Variants in MSI2 observed in about 807,000 individuals in gnomAD.
The protein encoded by MSI2 is musashi RNA binding protein 2.
Under a neutral mutation model 45.6 loss-of-function variants are expected in MSI2, and 17 were observed. The observed-to-expected ratio is 0.37, with a 90% CI of 0.26 to 0.56. The LOEUF is 0.56. MSI2 is among the 20% of genes least tolerant of loss of function. The pLI is 0.77. For missense variants in MSI2, 293 were observed against 444.2 expected, an observed-to-expected ratio of 0.66 and a Z score of 3.06; for synonymous variants, 156 against 158.2, an observed-to-expected ratio of 0.99 and a Z score of 0.11.
chr17:57,590,459 G>A (rs1238653289), intron 7 of MSI2, among the ~76,000 whole-genome samples: 1 of 152,162 alleles, frequency 6.6e-6, no homozygotes, highest in Non-Finnish European at 1.5e-5. Flanking sequence ...TTATTCAGAT[G>A]AATATTTAGT....
At chr17:57,698,892 A>AGTGTGTGT in the MSI2 span, among the ~76,000 whole-genome samples, 259 of 118,710 alleles carry the variant, frequency 2.2e-3, 6 homozygotes, top group Non-Finnish European at 2.3e-3. Flanking sequence ...GATACAAGGA[A>AGTGTGTGT]GTGTGTGTGT....
chr17:57,689,428 A>T (rs1407182504), downstream of MSI2, among the ~76,000 whole-genome samples: 1 of 152,194 alleles, frequency 6.6e-6, no homozygotes, highest in Non-Finnish European at 1.5e-5. Context: ...GGACAGTGAT[A>T]TCCCTCTGGG....
chr17:57,540,113 A>G (rs2087010679), intron 7 of MSI2, among the ~76,000 whole-genome samples: 2 of 152,196 alleles, frequency 1.3e-5, no homozygotes, highest in African/African-American at 4.8e-5. Flanking sequence ...ACAAGTTACT[A>G]AATCTCTCTG....
intron 11 of MSI2, among the ~76,000 whole-genome samples, chr17:57,665,995 C>T (rs887403428): frequency 5.3e-5 from 8 of 152,074 alleles, no homozygotes; most frequent in African/African-American, 1.9e-4. Context: ...CTCAGGGAAC[C>T]CCCACCGTGA....
At chr17:57,509,514 G>A (rs374295235) in intron 6 of MSI2, among the ~76,000 whole-genome samples, 2 of 152,196 alleles carry the variant, frequency 1.3e-5, no homozygotes, top group South Asian at 2.1e-4. Context: ...TCCGCCTCCC[G>A]GGTTCAAGTG....
chr17:57,319,229 G>T (rs1357263155), intron 5 of MSI2, among the ~76,000 whole-genome samples: 1 of 152,252 alleles, frequency 6.6e-6, no homozygotes, highest in Non-Finnish European at 1.5e-5. Flanking sequence ...GACTGGGGAT[G>T]CTTGTTAGCA....
rs767917214 is a variant in MSI2, at chr17:57,675,046, G to T, written c.865G>T (p.Ala289Ser). The T allele has an allele frequency of 6.2e-7, 1 of 1,614,104 alleles. No homozygotes were observed. Among genetic ancestry groups the T allele is most frequent in the South Asian group, 1.1e-5 (1 of 91,074 alleles). The part of the protein sequence containing the change: ...PGPVADLYGP[A>S]SQDSGVGNYI... ...ACCTGTCGCCGATCTCTACGGCCCT[G>T]CCAGCCAGGACTCCGGAGTGGGGAA... Residue 289 changes from alanine (A) to serine (S), a missense_variant, in exon 12 of 14, where the codon GCC (alanine) becomes TCC (serine). Transcript: ENST00000284073.
At chr17:57,602,167 A>G (rs75352408) in intron 8 of MSI2, among the ~76,000 whole-genome samples, 2,503 of 152,282 alleles carry the variant, frequency 0.016, 59 homozygotes, top group African/African-American at 0.057. Flanking sequence ...ATGTAGCCCA[A>G]TGCAAATTCA....
chr17:57,458,035 A>G (rs1175045847), intron 6 of MSI2, among the ~76,000 whole-genome samples: 1 of 152,074 alleles, frequency 6.6e-6, no homozygotes, highest in Non-Finnish European at 1.5e-5. Flanking sequence ...TAGATATCAG[A>G]TACCATATTG....
At chr17:57,438,211 G>GT (rs2084726822) in intron 6 of MSI2, among the ~76,000 whole-genome samples, 1 of 152,136 alleles carries the variant, frequency 6.6e-6, no homozygotes, top group Non-Finnish European at 1.5e-5. Context: ...TAGGGTGTGC[G>GT]GAAGGCAGGA....
chr17:57,491,633 A>G (rs2085873739), intron 6 of MSI2, among the ~76,000 whole-genome samples: 1 of 152,218 alleles, frequency 6.6e-6, no homozygotes, highest in Admixed American at 6.5e-5. Context: ...GCCTGAGTCC[A>G]TCAGAGAAAA....
intron 5 of MSI2, among the ~76,000 whole-genome samples, chr17:57,292,160 TG>T (rs568930884): frequency 1.6e-3 from 244 of 149,868 alleles, no homozygotes; most frequent in African/African-American, 5.8e-3. Flanking sequence ...GACAGCTGCC[TG>T]GGGGAAGGGG....
intron 7 of MSI2, among the ~76,000 whole-genome samples, chr17:57,594,283 A>G (rs940724584): frequency 9.9e-5 from 15 of 151,968 alleles, no homozygotes; most frequent in African/African-American, 2.9e-4. Context: ...AATCCATTCT[A>G]CTGGGGCCAG....
At chr17:57,575,072 C>T (rs896953133) in intron 7 of MSI2, among the ~76,000 whole-genome samples, 16 of 152,050 alleles carry the variant, frequency 1.1e-4, no homozygotes, top group Admixed American at 4.6e-4. Context: ...CCTCGTGATC[C>T]GCCCACCTTG....
At chr17:57,293,854 C>T (rs1449848226) in intron 5 of MSI2, among the ~76,000 whole-genome samples, 2 of 151,124 alleles carry the variant, frequency 1.3e-5, no homozygotes, top group East Asian at 1.9e-4. Context: ...GTGATCTGCC[C>T]GCCTCAGCCT....
chr17:57,322,519 A>G (rs1913431567), intron 5 of MSI2, among the ~76,000 whole-genome samples: 1 of 152,044 alleles, frequency 6.6e-6, no homozygotes, highest in Non-Finnish European at 1.5e-5. Flanking sequence ...AGTCATTGTA[A>G]ATTTTAGGGG....
At chr17:57,618,147 A>G (rs964062744) in intron 9 of MSI2, 1 of 151,614 alleles carries the variant, frequency 6.6e-6, no homozygotes, top group Non-Finnish European at 1.5e-5. Context: ...TCAGCTACCC[A>G]GGAGGCTGGT....
At chr17:57,301,526 A>ACTTG (rs1239895191) in intron 5 of MSI2, among the ~76,000 whole-genome samples, 3 of 152,232 alleles carry the variant, frequency 2.0e-5, no homozygotes, top group African/African-American at 7.2e-5. Context: ...TCCCGGTTTT[A>ACTTG]CCTGCCTGCC....
intron 5 of MSI2, among the ~76,000 whole-genome samples, chr17:57,376,066 A>G (rs1454187408): frequency 6.6e-6 from 1 of 152,120 alleles, no homozygotes; most frequent in Non-Finnish European, 1.5e-5. Flanking sequence ...CCAATGTGGG[A>G]TTAGAGTTCC....
Sources: gnomAD v4.1 joint callset for allele counts (sites outside exome capture counted in the v4.1 genomes callset) on GRCh38, gnomAD v4.1.1 for gene constraint, MANE v1.5 for transcripts, NCBI Gene and HGNC (gene_info 2026-07-23, HGNC 2026-07-21) for gene names.